The following GCNT2 variants were observed in gnomAD, a reference collection of about 807,000 sequenced individuals.
GCNT2 encodes the protein N-acetyllactosaminide beta-1,6-N-acetylglucosaminyl-transferase.
GCNT2 carries 34 observed loss-of-function variants against 34.2 expected under a neutral mutation model. The observed-to-expected ratio is 1.00, with a 90% confidence interval of 0.76 to 1.32. GCNT2 has a LOEUF of 1.32. Ranked by LOEUF, GCNT2 falls within the 40% of genes most tolerant of loss-of-function variation. GCNT2 has a pLI of 0.00. For missense variants in GCNT2, 584 were observed against 489.4 expected, an observed-to-expected ratio of 1.19 and a Z score of -1.82; for synonymous variants, 212 against 188.0, an observed-to-expected ratio of 1.13 and a Z score of -1.04.
intron 3 of GCNT2, among the ~76,000 whole-genome samples, chr6:10,572,636 A>G (rs1042027405): frequency 1.3e-5 from 2 of 152,212 alleles, no homozygotes; most frequent in Non-Finnish European, 2.9e-5. Flanking sequence ...CAGGAGGCTG[A>G]GTCAGGAGAA....
chr6:10,528,792 A>G lies in GCNT2; in HGVS notation c.-120A>G. The G allele has an allele frequency of 1.2e-6, 1 of 815,556 alleles. No individual in the cohort carries two copies. The highest frequency in any genetic ancestry group is 2.1e-6 in the Non-Finnish European group (1 of 470,942). The allele number at this position is 815,556 out of a possible 1,614,324, so 50.5% of individuals were successfully genotyped here. On this transcript the variant is annotated 5_prime_UTR_variant, in exon 3 of 5. Coordinates refer to ENST00000495262, the MANE Select transcript of GCNT2 (RefSeq NM_145649.5). ...TGAACTGAAGGGACAGGGAACAGCC[A>G]GACGAGAGCTTCAGCCATCACGAGG...
At chr6:10,574,796 C>A in intron 3 of GCNT2, 1 of 611,094 alleles carries the variant, frequency 1.6e-6, no homozygotes, top group African/African-American at 1.9e-5. Flanking sequence ...GCCTCCTTCC[C>A]ACTGGCTCTC....
chr6:10,622,725 T>C (rs1415557504), intron 4 of GCNT2, among the ~76,000 whole-genome samples: 1 of 145,816 alleles, frequency 6.9e-6, no homozygotes, highest in Non-Finnish European at 1.5e-5. Flanking sequence ...AGACTTTGCC[T>C]CTACTCCTCA....
chr6:10,564,077 G>C (rs1324766051), intron 3 of GCNT2, among the ~76,000 whole-genome samples: 2 of 152,032 alleles, frequency 1.3e-5, no homozygotes, highest in African/African-American at 4.8e-5. Flanking sequence ...CATTTTCCTG[G>C]AGATTTTGGC....
At chr6:10,552,999 C>T (rs976231051) in intron 3 of GCNT2, among the ~76,000 whole-genome samples, 18 of 152,334 alleles carry the variant, frequency 1.2e-4, no homozygotes, top group Admixed American at 5.9e-4. Context: ...CAAACTCTCT[C>T]TGAGCCAGTC....
At chr6:10,583,385 T>C (rs1303939796) in intron 3 of GCNT2, among the ~76,000 whole-genome samples, 1 of 152,160 alleles carries the variant, frequency 6.6e-6, no homozygotes, top group Non-Finnish European at 1.5e-5. Context: ...GTACGATTGC[T>C]AGGTGACTAC....
Position 10,563,756 on chromosome 6 carries a change from GAAAAAAAAA to G in GCNT2, c.925+33934_925+33942del, listed in dbSNP as rs55761102. On this transcript the variant is annotated intron_variant, in intron 3 of 4. Coordinates refer to ENST00000495262, the MANE Select transcript of GCNT2 (RefSeq NM_145649.5). ...GACTCCATCTCAAAAAAAGAAAAAA[GAAAAAAAAA>G]AAAAAAAAAAAAATATATATATATA... Among the ~76,000 whole-genome samples the G allele has an allele frequency of 4.5e-3, 250 of 55,794 alleles. 1 individual carries two copies. Among genetic ancestry groups the G allele is most frequent in the African/African-American group, 9.7e-3 (182 of 18,704 alleles). 36.6% of individuals were successfully genotyped at this position (55,794 alleles called of 152,430 possible).
intron 3 of GCNT2, among the ~76,000 whole-genome samples, chr6:10,547,478 C>T (rs1358636211): frequency 1.3e-5 from 2 of 152,164 alleles, no homozygotes; most frequent in South Asian, 2.1e-4. Context: ...AAGAGTGCAG[C>T]TCTGATGATT....
In GCNT2 at chr6:10,626,626, A is replaced by G. The variant is rs200119543; in HGVS notation, c.*19A>G. On this transcript the variant is annotated 3_prime_UTR_variant, in exon 5 of 5. Coordinates refer to ENST00000495262, the MANE Select transcript of GCNT2 (RefSeq NM_145649.5). ...TTTTTGAGCTATTCATGAGCTACTCATGACTGAAGGGAAACTGCAGCTGGG... is the reference window on the plus strand; with the variant it reads ...TTTTTGAGCTATTCATGAGCTACTCGTGACTGAAGGGAAACTGCAGCTGGG... 287 of 1,588,400 alleles carry G rather than the reference A, an allele frequency of 1.8e-4. 1 individual carries two copies. Among genetic ancestry groups the G allele is most frequent in the Non-Finnish European group, 4.1e-5 (48 of 1,156,688 alleles).
chr6:10,524,794 A>G (rs1449646726), intron 1 of GCNT2, among the ~76,000 whole-genome samples: 1 of 151,812 alleles, frequency 6.6e-6, no homozygotes, highest in Non-Finnish European at 1.5e-5. Flanking sequence ...GTGCCGTTGC[A>G]CTCCAGCCTG....
chr6:10,529,132 G>A lies in GCNT2; in HGVS notation c.221G>A (p.Cys74Tyr). ...ALKTTLDEAT[C>Y]YEYMVRSHYV... is the part of the protein sequence containing the mutation. Reference sequence around the variant, plus strand: ...AAAACTACCCTTGATGAAGCTACCTGCTATGAGTACATGGTTCGAAGCCAC... The same window carrying A: ...AAAACTACCCTTGATGAAGCTACCTACTATGAGTACATGGTTCGAAGCCAC... Residue 74 changes from cysteine to tyrosine, a missense_variant, in exon 3 of 5, where the codon TGC becomes TAC. Coordinates refer to ENST00000495262, the MANE Select transcript of GCNT2 (RefSeq NM_145649.5). 2 of 1,614,074 alleles carry A rather than the reference G, an allele frequency of 1.2e-6. No homozygotes were observed. Among genetic ancestry groups the A allele is most frequent in the South Asian group, 1.1e-5 (1 of 91,080 alleles).
intron 3 of GCNT2, among the ~76,000 whole-genome samples, chr6:10,617,138 C>G (rs867159060): frequency 2.0e-5 from 3 of 152,142 alleles, no homozygotes. Flanking sequence ...GCTCTGGCCG[C>G]GCAGGAGCCC....
chr6:10,556,139 G>T (rs1762689676), intron 3 of GCNT2: 2 of 1,317,244 alleles, frequency 1.5e-6, no homozygotes, highest in African/African-American at 3.0e-5. Context: ...GCTAGCAGAT[G>T]CAAACGGGGA....
At position 10,534,139 on chromosome 6, in the gene GCNT2, CTCTTTTT is replaced by C. The variant is rs1263222406; in HGVS notation, c.925+4305_925+4311del. Among the ~76,000 whole-genome samples, 2 of 123,152 alleles carry C rather than the reference CTCTTTTT, an allele frequency of 1.6e-5. 1 individual carries two copies. Among genetic ancestry groups the C allele is most frequent in the Non-Finnish European group, 3.4e-5 (2 of 59,332 alleles). The allele number at this position is 123,152 out of a possible 152,430, so 80.8% of individuals were successfully genotyped here. ...CTGGTATCTGCCAGATTCCATGCTG[CTCTTTTT>C]TTTTTTTTTTTTTAAGATGGAGTCT... On this transcript the variant is annotated intron_variant, in intron 3 of 4. Transcript: ENST00000495262.
intron 3 of GCNT2, among the ~76,000 whole-genome samples, chr6:10,569,275 C>CACACCCA (rs1491437125): frequency 2.0e-5 from 2 of 101,332 alleles, no homozygotes; most frequent in Non-Finnish European, 4.0e-5. Flanking sequence ...ACACACACAC[C>CACACCCA]CCCTAGGTAA....
At chr6:10,549,588 T>G (rs1762404179) in intron 3 of GCNT2, among the ~76,000 whole-genome samples, 4 of 123,144 alleles carry the variant, frequency 3.2e-5, no homozygotes, top group African/African-American at 6.7e-5. Flanking sequence ...TTTTTTTTTT[T>G]TGAGACAGGG....
At chr6:10,624,994 T>A (rs1356310888) in intron 4 of GCNT2, among the ~76,000 whole-genome samples, 1 of 152,234 alleles carries the variant, frequency 6.6e-6, no homozygotes, top group Non-Finnish European at 1.5e-5. Flanking sequence ...TCCATTTCTT[T>A]AAGCGTGTGC....
In GCNT2 at chr6:10,557,616, T is replaced by C. The variant is rs373302774; in HGVS notation, c.925+27780T>C. Reference sequence around the variant, plus strand: ...AATCCTCCCACTTCAGTCTCCTGAGTAGCTGGGACTACAGGTGCACACCAC... The same window carrying C: ...AATCCTCCCACTTCAGTCTCCTGAGCAGCTGGGACTACAGGTGCACACCAC... On this transcript the variant is annotated intron_variant, in intron 3 of 4. Coordinates refer to ENST00000495262, the MANE Select transcript of GCNT2 (RefSeq NM_145649.5). 5.6e-4 allele frequency among the ~76,000 whole-genome samples: 85 copies of C among 151,934 alleles called. 2 individuals are homozygous for C. The South Asian group carries it at 0.013, about 23-fold the overall frequency.
At chr6:10,532,437 CTT>C (rs567385846) in intron 3 of GCNT2, among the ~76,000 whole-genome samples, 246 of 152,168 alleles carry the variant, frequency 1.6e-3, no homozygotes, top group African/African-American at 5.0e-3. Flanking sequence ...TCTGCCAACT[CTT>C]TTTTTTCTTT....
Sources: gnomAD v4.1 joint callset for allele counts (sites outside exome capture counted in the v4.1 genomes callset) on GRCh38, gnomAD v4.1.1 for gene constraint, MANE v1.5 for transcripts, NCBI Gene and HGNC (gene_info 2026-07-23, HGNC 2026-07-21) for gene names.